MAP3K13: variants seen among roughly 807,000 people sequenced by gnomAD.
MAP3K13 encodes the protein mitogen-activated protein kinase kinase kinase 13, also known as leucine zipper-bearing kinase.
A neutral mutation model predicts 104.0 loss-of-function variants in MAP3K13; 52 were observed. That is an observed-to-expected ratio of 0.50 (90% CI 0.40 to 0.63). MAP3K13 has a LOEUF of 0.63. MAP3K13 is among the 20% of genes least tolerant of loss of function. The probability of loss-of-function intolerance (pLI) is 0.00; values close to 1 mark genes in which losing one functional copy is unlikely to be tolerated. For synonymous variants in MAP3K13, 394 were observed against 442.2 expected (o/e 0.89, Z 1.37); for missense variants, 914 against 1,218.5 (o/e 0.75, Z 3.72).
intron 4 of MAP3K13, among the ~76,000 whole-genome samples, chr3:185,446,212 A>G (rs1715582384): frequency 6.6e-6 from 1 of 151,934 alleles, no homozygotes; most frequent in African/African-American, 2.4e-5. Context: ...TTTCTGCCTT[A>G]CAGCCTCCTC....
chr3:185,461,976 A>T (rs888055021), intron 7 of MAP3K13, among the ~76,000 whole-genome samples: 2 of 152,232 alleles, frequency 1.3e-5, no homozygotes, highest in African/African-American at 4.8e-5. Flanking sequence ...TGGTGCAGCT[A>T]ACATGGAAAA....
chr3:185,453,765 T>C (rs943376291), intron 7 of MAP3K13, among the ~76,000 whole-genome samples: 5 of 141,932 alleles, frequency 3.5e-5, no homozygotes, highest in East Asian at 2.0e-4. Context: ...CGAGACTCCG[T>C]CTAAAAAAAA....
intron 2 of MAP3K13, among the ~76,000 whole-genome samples, chr3:185,341,081 A>G (rs1722704327): frequency 6.6e-6 from 1 of 152,190 alleles, no homozygotes; most frequent in Admixed American, 6.5e-5. Flanking sequence ...GGGGCATACT[A>G]TTCAACACAC....
intron 1 of MAP3K13, among the ~76,000 whole-genome samples, chr3:185,421,120 C>G (rs1253656011): frequency 4.6e-5 from 7 of 152,168 alleles, no homozygotes. Context: ...ACCTACAGAC[C>G]TTCCCGGAGT....
At chr3:185,480,615 TTAA>T (rs1718393624) in intron 13 of MAP3K13, 86 bp downstream of exon 13, 4 of 1,376,598 alleles carry the variant, frequency 2.9e-6, no homozygotes, top group Non-Finnish European at 2.9e-6. Flanking sequence ...CAATTTTCAT[TTAA>T]TAATAAGATA....
intron 2 of MAP3K13, among the ~76,000 whole-genome samples, chr3:185,305,645 G>A (rs370009061): frequency 6.6e-6 from 1 of 152,046 alleles, no homozygotes; most frequent in Non-Finnish European, 1.5e-5. Context: ...ATTTCAACCC[G>A]AGGGACTTCC....
chr3:185,374,818 A>G (rs924349509), intron 1 of MAP3K13, among the ~76,000 whole-genome samples: 1 of 152,184 alleles, frequency 6.6e-6, no homozygotes, highest in African/African-American at 2.4e-5. Context: ...AGAGAAATAC[A>G]AAGCCAGCAA....
chr3:185,422,933 G>A (rs1714215375), intron 1 of MAP3K13, among the ~76,000 whole-genome samples: 1 of 152,146 alleles, frequency 6.6e-6, no homozygotes, highest in African/African-American at 2.4e-5. Context: ...TCCACCTCCT[G>A]TCAGATCCAT....
intron 1 of MAP3K13, among the ~76,000 whole-genome samples, chr3:185,406,357 A>G (rs747989515): frequency 2.0e-5 from 3 of 152,254 alleles, no homozygotes; most frequent in Non-Finnish European, 4.4e-5. Context: ...ATTTAGAAGT[A>G]TGCTAAGTGC....
intron 2 of MAP3K13, among the ~76,000 whole-genome samples, chr3:185,348,624 A>C (rs953751115): frequency 2.0e-5 from 3 of 152,124 alleles, no homozygotes; most frequent in African/African-American, 7.2e-5. Context: ...AGGAGTGGCT[A>C]TAAGATAGGC....
At chr3:185,439,368 C>T (rs1053838492) in intron 3 of MAP3K13, among the ~76,000 whole-genome samples, 1 of 152,022 alleles carries the variant, frequency 6.6e-6, no homozygotes, top group African/African-American at 2.4e-5. Context: ...GACCAATTAT[C>T]ATCTTTCCAA....
Position 185,437,473 on chromosome 3 carries a change from A to C in MAP3K13, c.502A>C (p.Ile168Leu), listed in dbSNP as rs776124835. The C allele has an allele frequency of 1.9e-6, 3 of 1,613,316 alleles. No individual in the cohort carries two copies. The highest frequency in any genetic ancestry group is 1.3e-5 in the African/African-American group (1 of 74,726). The part of the protein sequence containing the change: ...QDTWEVPFEE[I>L]SELQWLGSGA... ...TACTTGGGAAGTGCCATTTGAGGAG[A>C]TCTCAGAGCTGCAGTGGCTGGGTAG... The change falls in exon 3 of 14, where the codon ATC (isoleucine) becomes CTC (leucine). Residue 168 changes from isoleucine to leucine, a missense_variant. Physicochemically the swap from Ile to Leu is conservative, Grantham distance 5. Coordinates refer to ENST00000265026, the MANE Select transcript of MAP3K13 (RefSeq NM_004721.5).
rs958982879 is a variant in MAP3K13, at chr3:185,315,864, A to G, written c.-86+30221A>G. On this transcript the variant is annotated intron_variant, in intron 2 of 14. Coordinates refer to the MAP3K13 transcript ENST00000424227. This position sits in a 1 kb window ranked among gnomAD's most constrained non-coding sequence, Gnocchi z 4.3. The stretch of plus-strand genomic sequence containing the variant: ...TAATATTTTTGGTTAAGATACATCA[A>G]AACTAACCACAGAAAAGTGAGAAAG... 6.6e-6 allele frequency among the ~76,000 whole-genome samples: 1 copy of G among 152,224 alleles called. No homozygotes were observed. Among genetic ancestry groups the G allele is most frequent in the Non-Finnish European group, 1.5e-5 (1 of 68,036 alleles).
intron 2 of MAP3K13, among the ~76,000 whole-genome samples, chr3:185,343,138 A>G (rs920581939): frequency 6.6e-6 from 1 of 152,166 alleles, no homozygotes; most frequent in African/African-American, 2.4e-5. Flanking sequence ...CCAGTTTTAT[A>G]TAGCATATTC....
At position 185,471,977 on chromosome 3, in the gene MAP3K13, AAC is replaced by A. The variant is rs1330039482; in HGVS notation, c.1644-996_1644-995del. Reference sequence around the variant, plus strand: ...TCTTGTATGCAGCTGATCTGAATGCAACAGTTTTGGTTCCCATTGAGTGGAAA... The same window carrying A: ...TCTTGTATGCAGCTGATCTGAATGCAAGTTTTGGTTCCCATTGAGTGGAAA... On this transcript the variant is annotated intron_variant, in intron 10 of 13. Coordinates refer to ENST00000265026, the MANE Select transcript of MAP3K13 (RefSeq NM_004721.5). Among the ~76,000 whole-genome samples the A allele has an allele frequency of 4.6e-5, 7 of 152,316 alleles. No individual in the cohort carries two copies. In the South Asian group the frequency reaches 1.2e-3, roughly 27 times the overall value.
intron 2 of MAP3K13, among the ~76,000 whole-genome samples, chr3:185,328,451 T>C (rs913790774): frequency 6.6e-6 from 1 of 152,168 alleles, no homozygotes; most frequent in Non-Finnish European, 1.5e-5. Flanking sequence ...AGTTTCACCA[T>C]GTTGGCCAGG....
In MAP3K13 at chr3:185,482,864, T is replaced by TTATTCCC; in HGVS notation, c.*408_*409insTATTCCC. 1 of 234,886 alleles carries TTATTCCC rather than the reference T, an allele frequency of 4.3e-6. No individual in the cohort carries two copies. Among genetic ancestry groups the TTATTCCC allele is most frequent in the Non-Finnish European group, 8.4e-6 (1 of 119,398 alleles). 14.6% of individuals were successfully genotyped at this position (234,886 alleles called of 1,614,324 possible). The stretch of plus-strand genomic sequence containing the variant: ...CAGAAAAAAAGAAATAAGTGGAATT[T>TTATTCCC]AAGAGCAACATCCTTGGGAATTTGT... On this transcript the variant is annotated 3_prime_UTR_variant, in exon 14 of 14. Transcript: ENST00000265026. The surrounding 1 kb of genome is among the most constrained non-coding windows in gnomAD (Gnocchi z 4.5).
intron 3 of MAP3K13, among the ~76,000 whole-genome samples, chr3:185,438,739 C>G (rs534610157): frequency 6.6e-6 from 1 of 152,294 alleles, no homozygotes; most frequent in Non-Finnish European, 1.5e-5. Flanking sequence ...CTTGAGTTCT[C>G]TCCCTCACTA....
chr3:185,415,641 T>C (rs1286560654), intron 1 of MAP3K13, among the ~76,000 whole-genome samples: 3 of 141,996 alleles, frequency 2.1e-5, no homozygotes, highest in Non-Finnish European at 3.0e-5. Context: ...TGGAGTACAA[T>C]GGTGCCGTCT....
Sources: allele counts gnomAD v4.1 joint callset (sites outside exome capture counted in the v4.1 genomes callset), GRCh38; gene constraint gnomAD v4.1.1; non-coding constraint Gnocchi (gnomAD v3.1); transcripts MANE v1.5; gene names NCBI Gene and HGNC (gene_info 2026-07-23, HGNC 2026-07-21).